The following ACAT1 variants were observed in gnomAD, a reference collection of about 807,000 sequenced individuals.
The protein encoded by ACAT1 is acetyl-CoA acetyltransferase, mitochondrial.
ACAT1 carries 28 observed loss-of-function variants against 47.3 expected under a neutral mutation model. The ratio of observed to expected loss-of-function variants is 0.59; its 90% CI spans 0.44 to 0.81. The LOEUF is 0.81. Ranked by LOEUF, ACAT1 falls within the 30% of genes least tolerant of loss-of-function variation. The probability of loss-of-function intolerance (pLI) is 0.00; values close to 1 mark genes in which losing one functional copy is unlikely to be tolerated. For missense variants in ACAT1, 469 were observed against 524.3 expected (o/e 0.89, Z 1.03); for synonymous variants, 181 against 173.6 (o/e 1.04, Z -0.34).
intron 1 of ACAT1, among the ~76,000 whole-genome samples, chr11:108,126,449 T>TG (rs1157050853): frequency 6.6e-6 from 1 of 152,178 alleles, no homozygotes; most frequent in African/African-American, 2.4e-5. Flanking sequence ...TGCAGGTTCT[T>TG]GGAGGATGAG....
chr11:108,138,913 G>A lies in ACAT1; in HGVS notation c.451G>A (p.Gly151Ser). Residue 151 changes from glycine to serine, a missense_variant, in exon 6 of 12, where the codon GGT becomes AGT. By Grantham distance (56) the Gly-to-Ser change is moderately conservative. Transcript: ENST00000265838. ...TTCTGCGCAGGATGTGATGGTGGCA[G>A]GTGGGATGGAGAGCATGTCCAATGT... The part of the protein sequence containing the change: ...MCGHQDVMVA[G>S]GMESMSNVPY... The A allele has an allele frequency of 6.2e-7, 1 of 1,614,174 alleles. No homozygotes were observed. Among genetic ancestry groups the A allele is most frequent in the South Asian group, 1.1e-5 (1 of 91,080 alleles).
chr11:108,141,852 T>C (rs545587975), intron 8 of ACAT1, 152 bp downstream of exon 8: 2 of 648,340 alleles, frequency 3.1e-6, no homozygotes, highest in African/African-American at 3.6e-5. Context: ...ATTGTTTTGG[T>C]AGTTTATACC....
intron 1 of ACAT1, among the ~76,000 whole-genome samples, chr11:108,127,130 T>C (rs972468930): frequency 2.0e-5 from 3 of 151,710 alleles, no homozygotes; most frequent in Non-Finnish European, 4.4e-5. Context: ...ACAGGTTTTC[T>C]AGGGTTGGAA....
At chr11:108,145,462 G>A (rs767573647) in intron 10 of ACAT1, among the ~76,000 whole-genome samples, 1 of 152,042 alleles carries the variant, frequency 6.6e-6, no homozygotes, top group Non-Finnish European at 1.5e-5. Context: ...GAGCCTGGGA[G>A]GTCAAGGCTG....
chr11:108,120,245 T>C (rs1057361752), upstream of ACAT1, among the ~76,000 whole-genome samples: 18 of 151,692 alleles, frequency 1.2e-4, no homozygotes, highest in African/African-American at 3.9e-4. Flanking sequence ...GCCTATAATA[T>C]CTGTGCTTTG....
chr11:108,126,003 T>A (rs558318437), intron 1 of ACAT1, among the ~76,000 whole-genome samples: 7 of 152,046 alleles, frequency 4.6e-5, no homozygotes, highest in African/African-American at 7.2e-5. Context: ...TTGTTTTGTT[T>A]TGTTTTTGAT....
chr11:108,141,965 A>C (rs951093668), intron 8 of ACAT1, among the ~76,000 whole-genome samples: 2 of 152,218 alleles, frequency 1.3e-5, no homozygotes, highest in African/African-American at 4.8e-5. Context: ...ATTGAAAAAA[A>C]CAGATTTATT....
chr11:108,143,785 C>A, intron 9 of ACAT1, 198 bp from the exon 10 acceptor site: 4 of 155,502 alleles, frequency 2.6e-5, no homozygotes, highest in South Asian at 1.8e-4. Context: ...CCCCAAACTC[C>A]CCCCCAATGA....
intron 5 of ACAT1, among the ~76,000 whole-genome samples, chr11:108,138,022 T>G (rs2077499729): frequency 6.6e-6 from 1 of 151,970 alleles, no homozygotes; most frequent in African/African-American, 2.4e-5. Context: ...AGAGTCTTGC[T>G]TTGTCACCCA....
chr11:108,143,969 C>CCGGGGG lies in ACAT1; in HGVS notation c.941-14_941-13insCGGGGG. On this transcript the variant is annotated splice_polypyrimidine_tract_variant and intron_variant, in intron 9 of 11. Coordinates refer to ENST00000265838, the MANE Select transcript of ACAT1 (RefSeq NM_000019.4). The stretch of plus-strand genomic sequence containing the variant: ...AAAGATTTTAACAACCCCCCCCCCC[C>CCGGGGG]TTTTTTTAAACAGCATTTGCTGACG... 1 of 685,216 alleles carries CCGGGGG rather than the reference C, an allele frequency of 1.5e-6. No homozygotes were observed. The allele number at this position is 685,216 out of a possible 1,614,324, so 42.4% of individuals were successfully genotyped here. A position where few individuals can be genotyped will look rare whatever the true frequency, so the allele number is the denominator to read the frequency against.
intron 11 of ACAT1, 29 bp downstream of exon 11, chr11:108,146,388 T>C: frequency 2.5e-6 from 4 of 1,610,340 alleles, no homozygotes; most frequent in Non-Finnish European, 3.4e-6. Flanking sequence ...TATATCTAGG[T>C]TAAGAGCTGC....
At chr11:108,139,229 C>T (rs1272358834) in intron 6 of ACAT1, 188 bp downstream of exon 6, 2 of 716,546 alleles carry the variant, frequency 2.8e-6, no homozygotes, top group African/African-American at 1.8e-5. Context: ...AGAAATTTTC[C>T]CACATTTAAA....
At chr11:108,121,463 C>A, upstream of ACAT1, 1 of 940,226 alleles carries the variant, frequency 1.1e-6, no homozygotes, top group Non-Finnish European at 1.6e-6. Context: ...CCGCCCTTGG[C>A]TGCCGGCCAA....
At chr11:108,124,499 C>T (rs933629161) in intron 1 of ACAT1, among the ~76,000 whole-genome samples, 1 of 152,162 alleles carries the variant, frequency 6.6e-6, no homozygotes, top group Admixed American at 6.5e-5. Context: ...CTGACCAGCT[C>T]ACCAGGTGAT....
At position 108,121,658 on chromosome 11, in the gene ACAT1, C is replaced by T; in HGVS notation, c.52C>T (p.Leu18=). ...CAGCGGCGCCCGCAGCCGCAGCCCC[C>T]TGCTCCGGAGGCTGGTGCAGGTGAG... ...LRSGARSRSP[L]LRRLVQEIRY... is the part of the protein sequence containing the mutation. The change falls in exon 1 of 12, where the codon CTG becomes TTG. Residue 18 remains leucine (L), a synonymous_variant. Coordinates refer to ENST00000265838, the MANE Select transcript of ACAT1 (RefSeq NM_000019.4). 3 of 1,549,568 alleles carry T rather than the reference C, an allele frequency of 1.9e-6. No individual in the cohort carries two copies. The highest frequency in any genetic ancestry group is 2.6e-6 in the Non-Finnish European group (3 of 1,147,218).
At chr11:108,138,318 G>A (rs1464965585) in intron 5 of ACAT1, among the ~76,000 whole-genome samples, 1 of 143,580 alleles carries the variant, frequency 7.0e-6, no homozygotes, top group East Asian at 2.2e-4. Context: ...GTCTGGTTGT[G>A]AACTTTTGAG....
chr11:108,129,388 A>G (rs757521099), intron 1 of ACAT1, among the ~76,000 whole-genome samples: 1 of 151,350 alleles, frequency 6.6e-6, no homozygotes, highest in Non-Finnish European at 1.5e-5. Context: ...TTTTTTTTTG[A>G]GATGGAGTCT....
chr11:108,120,468 G>A (rs1195595808), upstream of ACAT1, among the ~76,000 whole-genome samples: 1 of 152,024 alleles, frequency 6.6e-6, no homozygotes, highest in Non-Finnish European at 1.5e-5. Flanking sequence ...CTGAGACCAG[G>A]AGTTTGAGGC....
chr11:108,117,018 T>C (rs1864963825), upstream of ACAT1, among the ~76,000 whole-genome samples: 1 of 151,808 alleles, frequency 6.6e-6, no homozygotes, highest in African/African-American at 2.4e-5. Context: ...GCCATATTAA[T>C]ATACACAAAC....
Sources: allele counts gnomAD v4.1 joint callset (sites outside exome capture counted in the v4.1 genomes callset), GRCh38; gene constraint gnomAD v4.1.1; transcripts MANE v1.5; gene names NCBI Gene and HGNC (gene_info 2026-07-23, HGNC 2026-07-21).